Variants in RBPJ observed in about 807,000 individuals in gnomAD.
The protein encoded by RBPJ is recombination signal binding protein for immunoglobulin kappa J region.
Under a neutral mutation model 67.8 loss-of-function variants are expected in RBPJ, and 9 were observed. That is an observed-to-expected ratio of 0.13 (90% CI 0.08 to 0.23). The LOEUF (loss-of-function observed/expected upper bound fraction) is 0.23, where lower values mean the gene tolerates loss of function less well. Among genes scored for constraint, RBPJ ranks in the 10% least tolerant of loss-of-function variants. RBPJ has a pLI of 1.00. For synonymous variants in RBPJ, 198 were observed against 203.3 expected, an observed-to-expected ratio of 0.97 and a Z score of 0.22; for missense variants, 305 against 595.6, an observed-to-expected ratio of 0.51 and a Z score of 5.08.
At chr4:26,110,715 C>T in the RBPJ span, among the ~76,000 whole-genome samples, 1 of 152,134 alleles carries the variant, frequency 6.6e-6, no homozygotes, top group South Asian at 2.1e-4. This position sits in a 1 kb window ranked among gnomAD's most constrained non-coding sequence, Gnocchi z 4.5. Flanking sequence ...TGAAGTTAAA[C>T]GTGAGCAAAC....
At chr4:26,352,398 A>G (rs1187857236) in intron 1 of RBPJ, among the ~76,000 whole-genome samples, 1 of 152,088 alleles carries the variant, frequency 6.6e-6, no homozygotes, top group Non-Finnish European at 1.5e-5. Context: ...TGACCTAATC[A>G]CCTCCCAAAG....
At chr4:26,290,419 G>A (rs537386987) in intron 1 of RBPJ, among the ~76,000 whole-genome samples, 10 of 150,128 alleles carry the variant, frequency 6.7e-5, no homozygotes, top group Non-Finnish European at 1.3e-4. Flanking sequence ...AGGATGAGAT[G>A]CCAATATGCA....
intron 1 of RBPJ, among the ~76,000 whole-genome samples, chr4:26,340,107 CA>C (rs1417163911): frequency 6.6e-6 from 1 of 151,474 alleles, no homozygotes; most frequent in Admixed American, 6.6e-5. Flanking sequence ...GTAGTAAAGA[CA>C]AAATTTTAAA....
chr4:26,379,413 G>C (rs1474200775), intron 1 of RBPJ, among the ~76,000 whole-genome samples: 1 of 152,136 alleles, frequency 6.6e-6, no homozygotes, highest in African/African-American at 2.4e-5. Flanking sequence ...AATGTATAAA[G>C]AAAAGAGGTT....
At chr4:26,252,933 A>G (rs1427628514) in intron 1 of RBPJ, among the ~76,000 whole-genome samples, 3 of 152,232 alleles carry the variant, frequency 2.0e-5, no homozygotes, top group African/African-American at 4.8e-5. Flanking sequence ...TGGCTCTACT[A>G]TATAAAAAAC....
In RBPJ at chr4:26,369,285, A is replaced by T. The variant is rs114860189; in HGVS notation, c.21-17068A>T. Among the ~76,000 whole-genome samples, 322 of 152,322 alleles carry T rather than the reference A, an allele frequency of 2.1e-3. 3 individuals carry two copies. The highest frequency in any genetic ancestry group is 7.1e-3 in the African/African-American group (296 of 41,580). On this transcript the variant is annotated intron_variant, in intron 1 of 10. Transcript: ENST00000355476. ...AATTTGTCATCACTGAACTCTTGTG[A>T]GGTGGGGATTGGTACATCTGAAGGC...
At position 26,431,083 on chromosome 4, in the gene RBPJ, A is replaced by G. The variant is rs979726338; in HGVS notation, c.*76A>G. 5.2e-6 allele frequency: 7 copies of G among 1,342,982 alleles called. No individual in the cohort carries two copies. The African/African-American group carries it at 7.3e-5, about 14-fold the overall frequency. The allele number at this position is 1,342,982 out of a possible 1,614,324, so 83.2% of individuals were successfully genotyped here. ...AACAAAAAAGGAGAAAAAATGAACA[A>G]TCGTTTGTGGTTTCTTGGGAAAACT... On this transcript the variant is annotated 3_prime_UTR_variant, in exon 11 of 11. Transcript: ENST00000355476.
chr4:26,177,940 C>G (rs867079843), intron 1 of RBPJ, among the ~76,000 whole-genome samples: 1 of 152,206 alleles, frequency 6.6e-6, no homozygotes, highest in Non-Finnish European at 1.5e-5. Flanking sequence ...TTTAACCTAA[C>G]AAATCATAAA....
chr4:26,431,184 T>TAAAAAAAAAAAACAAA lies in RBPJ; in HGVS notation c.*189_*190insCAAAAAAAAAAAAAAA, dbSNP rs1736188907. The TAAAAAAAAAAAACAAA allele has an allele frequency of 2.5e-5, 1 of 40,666 alleles. No homozygotes were observed. The highest frequency in any genetic ancestry group is 4.2e-4 in the Admixed American group (1 of 2,366). 2.5% of individuals were successfully genotyped at this position (40,666 alleles called of 1,614,324 possible). ...CTGATTTGAAATGCAGAAGCCACAG[T>TAAAAAAAAAAAACAAA]AAAAAAAAAAAAAAAAAAAAAAAAA... On this transcript the variant is annotated 3_prime_UTR_variant, in exon 11 of 11. Coordinates refer to ENST00000355476, the MANE Select transcript of RBPJ (RefSeq NM_015874.6).
At chr4:26,118,232 C>T in the RBPJ span, among the ~76,000 whole-genome samples, 5 of 152,196 alleles carry the variant, frequency 3.3e-5, no homozygotes, top group African/African-American at 1.2e-4. Context: ...TTCAGTCCTG[C>T]TCTGGAAACC....
intron 1 of RBPJ, among the ~76,000 whole-genome samples, chr4:26,356,771 G>T (rs760483977): frequency 2.0e-5 from 3 of 152,108 alleles, no homozygotes; most frequent in Non-Finnish European, 4.4e-5. Context: ...GAATATCTTC[G>T]TGTCCTGTAT....
At chr4:26,170,529 G>A (rs1716536344) in intron 1 of RBPJ, among the ~76,000 whole-genome samples, 1 of 137,194 alleles carries the variant, frequency 7.3e-6, no homozygotes, top group Non-Finnish European at 1.6e-5. Flanking sequence ...GGGCAACAGA[G>A]TAAGGCCCTG....
the RBPJ span, among the ~76,000 whole-genome samples, chr4:26,138,376 A>AG: frequency 6.6e-6 from 1 of 151,472 alleles, no homozygotes; most frequent in Non-Finnish European, 1.5e-5. Context: ...CACTAGAGAA[A>AG]AAAAAAAAGG....
intron 1 of RBPJ, among the ~76,000 whole-genome samples, chr4:26,344,439 G>T (rs1200089765): frequency 6.6e-6 from 1 of 151,296 alleles, no homozygotes; most frequent in Non-Finnish European, 1.5e-5. Flanking sequence ...GTTTCACCAT[G>T]TTGGCCAGGA....
At chr4:26,128,481 AG>A in the RBPJ span, among the ~76,000 whole-genome samples, 6 of 152,360 alleles carry the variant, frequency 3.9e-5, no homozygotes, top group Non-Finnish European at 7.3e-5. Flanking sequence ...AAACCCTGCA[AG>A]ATAGACCCTC....
chr4:26,323,495 A>G (rs533777936), intron 1 of RBPJ, among the ~76,000 whole-genome samples: 19 of 152,350 alleles, frequency 1.2e-4, no homozygotes, highest in East Asian at 3.9e-4. Context: ...CGAAATCTGG[A>G]TGCGTTGTGG....
At chr4:26,180,674 AT>A in intron 1 of RBPJ, among the ~76,000 whole-genome samples, 1 of 152,300 alleles carries the variant, frequency 6.6e-6, no homozygotes, top group Non-Finnish European at 1.5e-5. Context: ...TACCTTGGAG[AT>A]TAGCATTTCA....
At chr4:26,418,549 A>G (rs184397610) in intron 4 of RBPJ, among the ~76,000 whole-genome samples, 2 of 152,222 alleles carry the variant, frequency 1.3e-5, no homozygotes, top group East Asian at 1.9e-4. Flanking sequence ...CTTTTTGTGT[A>G]GGTCTTATGA....
At chr4:26,426,600 A>G (rs182224339) in intron 7 of RBPJ, among the ~76,000 whole-genome samples, 265 of 152,354 alleles carry the variant, frequency 1.7e-3, no homozygotes, top group Non-Finnish European at 2.5e-3. Flanking sequence ...CCAAATACCC[A>G]TGTAAAGGAT....
Sources: allele counts gnomAD v4.1 joint callset (sites outside exome capture counted in the v4.1 genomes callset), GRCh38; gene constraint gnomAD v4.1.1; non-coding constraint Gnocchi (gnomAD v3.1); transcripts MANE v1.5; gene names NCBI Gene and HGNC (gene_info 2026-07-23, HGNC 2026-07-21).